ERBB2: variants seen among roughly 807,000 people sequenced by gnomAD.
ERBB2 encodes receptor tyrosine-protein kinase erbB-2.
A neutral mutation model predicts 149.0 loss-of-function variants in ERBB2; 61 were observed. That is an observed-to-expected ratio of 0.41 (90% CI 0.33 to 0.51). ERBB2 has a LOEUF of 0.51. Ranked by LOEUF, ERBB2 falls within the 20% of genes least tolerant of loss-of-function variation. The pLI is 0.25. For missense variants in ERBB2, 1,205 were observed against 1,655.1 expected, an observed-to-expected ratio of 0.73 and a Z score of 4.72; for synonymous variants, 633 against 678.8, an observed-to-expected ratio of 0.93 and a Z score of 1.05.
At chr17:39,717,790 AACACACACAC>A (rs67643218) in intron 15 of ERBB2, 43 of 171,920 alleles carry the variant, frequency 2.5e-4, no homozygotes, top group African/African-American at 7.8e-4. Context: ...TGCACATTTT[AACACACACAC>A]ACACACACAC....
Position 39,723,826 on chromosome 17 carries a change from G to A in ERBB2, c.2209-86G>A. The A allele has an allele frequency of 6.7e-7, 1 of 1,499,608 alleles. No individual in the cohort carries two copies. The highest frequency in any genetic ancestry group is 9.2e-7 in the Non-Finnish European group (1 of 1,084,414). 92.9% of individuals were successfully genotyped at this position (1,499,608 alleles called of 1,614,324 possible). The stretch of plus-strand genomic sequence containing the variant: ...GCCAAGCCCTAGGGTGGTGAAGGAT[G>A]TTTGGAGGACAAGTAATGATCTCCT... On this transcript the variant is annotated intron_variant, in intron 18 of 26. Coordinates refer to ENST00000269571, the MANE Select transcript of ERBB2 (RefSeq NM_004448.4). The surrounding 1 kb of genome is among the most constrained non-coding windows in gnomAD (Gnocchi z 6.2).
upstream of ERBB2, chr17:39,700,057 T>C (rs2057988632): frequency 3.2e-6 from 4 of 1,264,058 alleles, no homozygotes; most frequent in Non-Finnish European, 4.0e-6. Context: ...GTTGTGAAGC[T>C]GAGATTCCCC....
At chr17:39,708,644 A>C (rs1361708358) in intron 3 of ERBB2, 110 bp downstream of exon 3, 1 of 790,688 alleles carries the variant, frequency 1.3e-6, no homozygotes, top group Admixed American at 2.6e-5. Context: ...CCTTCTGGGC[A>C]GACGCAGGCA....
chr17:39,726,951 C>T lies in ERBB2; in HGVS notation c.3107C>T (p.Ala1036Val), dbSNP rs763617317. ...CAGGGCTTCTTCTGTCCAGACCCTG[C>T]CCCGGGCGCTGGGGGCATGGTCCAC... ...PQQGFFCPDP[A>V]PGAGGMVHHR... Residue 1036 changes from alanine (A) to valine (V), a missense_variant, in exon 25 of 27, where the codon GCC (alanine) becomes GTC (valine). Around this residue, in one of 6 missense-constraint regions of ERBB2, gnomAD observed 312 missense variants for 343.8 expected, o/e 0.91. Coordinates refer to ENST00000269571, the MANE Select transcript of ERBB2 (RefSeq NM_004448.4). This position sits in a 1 kb window ranked among gnomAD's most constrained non-coding sequence, Gnocchi z 5.1. 1 of 1,612,488 alleles carries T rather than the reference C, an allele frequency of 6.2e-7. No individual in the cohort carries two copies. Among genetic ancestry groups the T allele is most frequent in the South Asian group, 1.1e-5 (1 of 90,980 alleles).
At position 39,723,166 on chromosome 17, in the gene ERBB2, G is replaced by A. The variant is rs896384819; in HGVS notation, c.1947-153G>A. 1.3e-5 allele frequency among the ~76,000 whole-genome samples: 2 copies of A among 152,132 alleles called. No individual in the cohort carries two copies. The highest frequency in any genetic ancestry group is 4.8e-5 in the African/African-American group (2 of 41,416). ...ATTGTGGAGGCAGCGGGGAGCCAAG[G>A]CAGGTTTTAGAGTAGGAGAGGGTCC... On this transcript the variant is annotated intron_variant, in intron 16 of 26. Coordinates refer to ENST00000269571, the MANE Select transcript of ERBB2 (RefSeq NM_004448.4). This position sits in a 1 kb window ranked among gnomAD's most constrained non-coding sequence, Gnocchi z 6.2.
In ERBB2 at chr17:39,726,553, C is replaced by T. The variant is rs2143129746; in HGVS notation, c.2873-9C>T. On this transcript the variant is annotated splice_polypyrimidine_tract_variant and intron_variant, in intron 23 of 26. Transcript: ENST00000269571. The surrounding 1 kb of genome is among the most constrained non-coding windows in gnomAD (Gnocchi z 5.1). Reference sequence around the variant, plus strand: ...TGGGACTAGCATGCTGACCTCCCTCCTGCCCCAGGTTGGATGATTGACTCT... The same window carrying T: ...TGGGACTAGCATGCTGACCTCCCTCTTGCCCCAGGTTGGATGATTGACTCT... The T allele has an allele frequency of 3.1e-6, 5 of 1,613,072 alleles. No individual in the cohort carries two copies. The highest frequency in any genetic ancestry group is 4.2e-6 in the Non-Finnish European group (5 of 1,179,022).
In ERBB2 at chr17:39,725,899, C is replaced by T. The variant is rs1276162818; in HGVS notation, c.2872+46C>T. On this transcript the variant is annotated intron_variant, in intron 23 of 26. Transcript: ENST00000269571. This position sits in a 1 kb window ranked among gnomAD's most constrained non-coding sequence, Gnocchi z 4.6. ...GGCTGCCTGGAGGAGGGTGGGAGGT[C>T]CTGGGTGGAGGAGCCCACAAGGGGC... 1.9e-6 allele frequency: 3 copies of T among 1,603,894 alleles called. No homozygotes were observed. The highest frequency in any genetic ancestry group is 1.3e-5 in the African/African-American group (1 of 74,442).
At chr17:39,719,926 CAT>C in intron 16 of ERBB2, 92 bp downstream of exon 16, 1 of 1,190,978 alleles carries the variant, frequency 8.4e-7, no homozygotes, top group Admixed American at 1.7e-5. Context: ...GACCCCCTGA[CAT>C]ATGTCCCTTC....
chr17:39,709,596 C>T, intron 4 of ERBB2, 144 bp downstream of exon 4: 1 of 996,470 alleles, frequency 1.0e-6, no homozygotes, highest in Non-Finnish European at 1.5e-6. Context: ...CTCCTGCCAT[C>T]TCCCTGTGCC....
Position 39,707,100 on chromosome 17 carries a change from C to G in ERBB2, c.184C>G (p.Leu62Val), listed in dbSNP as rs1013215187. 6.2e-7 allele frequency: 1 copy of G among 1,603,634 alleles called. No homozygotes were observed. Residue 62 changes from leucine to valine, a missense_variant, in exon 2 of 27, where the codon CTC (leucine) becomes GTC (valine). Around this residue, in one of 6 missense-constraint regions of ERBB2, gnomAD observed 101 missense variants for 95.1 expected, o/e 1.06. Transcript: ENST00000269571. ...GCQVVQGNLE[L>V]TYLPTNASLS... ...CCAGGTGGTGCAGGGAAACCTGGAACTCACCTACCTGCCCACCAATGCCAG... is the reference window on the plus strand; with the variant it reads ...CCAGGTGGTGCAGGGAAACCTGGAAGTCACCTACCTGCCCACCAATGCCAG...
At position 39,709,855 on chromosome 17, in the gene ERBB2, G is replaced by C. The variant is rs2058692652; in HGVS notation, c.617G>C (p.Gly206Ala). The change falls in exon 5 of 27, where the codon GGA (glycine) becomes GCA (alanine). Residue 206 changes from glycine to alanine, a missense_variant. Gly to Ala is a moderately conservative substitution (Grantham distance 60). Transcript: ENST00000269571. ...ATGTGTAAGGGCTCCCGCTGCTGGG[G>C]AGAGAGTTCTGAGGATTGTCAGAGC... ...SPMCKGSRCW[G>A]ESSEDCQSLT... The C allele has an allele frequency of 1.2e-6, 2 of 1,613,458 alleles. No homozygotes were observed. Among genetic ancestry groups the C allele is most frequent in the Admixed American group, 3.3e-5 (2 of 60,000 alleles).
In ERBB2 at chr17:39,717,464, A is replaced by G. The variant is rs1412157429; in HGVS notation, c.1882A>G (p.Ile628Val). ...DEEGACQPCP[I>V]NCTHSCVDLD... ...GGAGGGCGCATGCCAGCCTTGCCCC[A>G]TCAACTGCACCCACTCGTGAGTCCA... is the stretch of plus-strand genomic sequence containing the variant. The change falls in exon 15 of 27, where the codon ATC becomes GTC. Residue 628 changes from isoleucine to valine, a missense_variant. Ile to Val is a conservative substitution (Grantham distance 29, BLOSUM62 3). Around this residue, in one of 6 missense-constraint regions of ERBB2, gnomAD observed 569 missense variants for 803.5 expected, o/e 0.71. Transcript: ENST00000269571. 1 of 1,612,958 alleles carries G rather than the reference A, an allele frequency of 6.2e-7. No individual in the cohort carries two copies. The highest frequency in any genetic ancestry group is 1.1e-5 in the South Asian group (1 of 91,008).
rs1196082930 is a variant in ERBB2 at position 39,725,367 on chromosome 17, G to A, written c.2690G>A (p.Arg897Gln). ...ATGGCGCTGGAGTCCATTCTCCGCC[G>A]GCGGTTCACCCACCAGAGTGATGTG... ...KWMALESILRRRFTHQSDVWS... is the reference protein window; with the variant it reads ...KWMALESILRQRFTHQSDVWS... Residue 897 changes from arginine to glutamine, a missense_variant, in exon 22 of 27, where the codon CGG becomes CAG. Arg to Gln is a conservative substitution (Grantham distance 43). Coordinates refer to ENST00000269571, the MANE Select transcript of ERBB2 (RefSeq NM_004448.4). This position sits in a 1 kb window ranked among gnomAD's most constrained non-coding sequence, Gnocchi z 4.6. 1.2e-6 allele frequency: 2 copies of A among 1,614,048 alleles called. No individual in the cohort carries two copies. The highest frequency in any genetic ancestry group is 1.3e-5 in the African/African-American group (1 of 74,982).
At chr17:39,697,354 G>GTTTTTTT (rs60262818), upstream of ERBB2, among the ~76,000 whole-genome samples, 16 of 122,140 alleles carry the variant, frequency 1.3e-4, no homozygotes, top group African/African-American at 3.7e-4. Flanking sequence ...TTTTTGTTTT[G>GTTTTTTT]TTTTTTTTTT....
upstream of ERBB2, among the ~76,000 whole-genome samples, chr17:39,696,964 A>G (rs1323814906): frequency 6.6e-6 from 1 of 152,174 alleles, no homozygotes; most frequent in East Asian, 1.9e-4. Context: ...TGACTCCTGG[A>G]GCCAGGTCAG....
upstream of ERBB2, among the ~76,000 whole-genome samples, chr17:39,693,763 TAAA>T (rs2057763142): frequency 7.7e-6 from 1 of 130,020 alleles, no homozygotes. Flanking sequence ...ATCTCGAAAA[TAAA>T]ATAATAATAA....
At chr17:39,716,149 TTC>T (rs1433794315) in intron 12 of ERBB2, 150 bp from the exon 13 acceptor site, 3 of 1,029,818 alleles carry the variant, frequency 2.9e-6, no homozygotes, top group Non-Finnish European at 1.4e-6. Flanking sequence ...CCCCCTCTGT[TTC>T]TGAAATCTCA....
In ERBB2 at chr17:39,727,161, C is replaced by G. The variant is rs2059815494; in HGVS notation, c.3160-134C>G. The G allele has an allele frequency of 7.9e-7, 1 of 1,267,520 alleles. No homozygotes were observed. Among genetic ancestry groups the G allele is most frequent in the African/African-American group, 1.5e-5 (1 of 66,484 alleles). 78.5% of individuals were successfully genotyped at this position (1,267,520 alleles called of 1,614,324 possible). ...TACTGCCTTCCAACCCCTGTGACCC[C>G]ATTCTCTCCACGGTGACTGTGTCAT... On this transcript the variant is annotated intron_variant, in intron 25 of 26. Transcript: ENST00000269571. The surrounding 1 kb of genome is among the most constrained non-coding windows in gnomAD (Gnocchi z 4.3).
At chr17:39,710,896 G>T (rs187401605) in intron 7 of ERBB2, among the ~76,000 whole-genome samples, 128 of 152,320 alleles carry the variant, frequency 8.4e-4, no homozygotes, top group Non-Finnish European at 1.5e-3. Flanking sequence ...CTATAGCCTG[G>T]TGAGGTCAGT....
Sources: gnomAD v4.1 joint callset for allele counts (sites outside exome capture counted in the v4.1 genomes callset) on GRCh38, gnomAD v4.1.1 for gene constraint, gnomAD v4.1.1 regional missense constraint, Gnocchi (gnomAD v3.1) non-coding constraint, MANE v1.5 for transcripts, NCBI Gene and HGNC (gene_info 2026-07-23, HGNC 2026-07-21) for gene names.